The following LINGO2 variants were observed in gnomAD, a reference collection of about 807,000 sequenced individuals.
LINGO2 encodes leucine rich repeat and Ig domain containing 2, also known as leucine-rich repeat and immunoglobulin-like domain-containing nogo receptor-interacting protein 2.
Under a neutral mutation model 30.6 loss-of-function variants are expected in LINGO2, and 14 were observed. The observed-to-expected ratio is 0.46, with a 90% CI of 0.30 to 0.72. The LOEUF (loss-of-function observed/expected upper bound fraction) is 0.72, where lower values mean the gene tolerates loss of function less well. Among genes scored for constraint, LINGO2 ranks in the 30% least tolerant of loss-of-function variants. LINGO2 has a pLI of 0.07. For missense variants in LINGO2, 729 were observed against 751.7 expected (o/e 0.97, Z 0.35); for synonymous variants, 317 against 288.5 (o/e 1.10, Z -1.00).
At chr9:29,006,937 G>A in the LINGO2 span, among the ~76,000 whole-genome samples, 1 of 152,150 alleles carries the variant, frequency 6.6e-6, no homozygotes, top group South Asian at 2.1e-4. Flanking sequence ...GATGGAAGCT[G>A]GGTACTGTAG....
chr9:28,368,016 CTCTT>C (rs1820744739), intron 3 of LINGO2, among the ~76,000 whole-genome samples: 1 of 151,418 alleles, frequency 6.6e-6, no homozygotes, highest in Non-Finnish European at 1.5e-5. Context: ...TTTTTTCTTT[CTCTT>C]TGTCTCTCTC....
At chr9:28,793,461 C>G in the LINGO2 span, among the ~76,000 whole-genome samples, 1 of 152,068 alleles carries the variant, frequency 6.6e-6, no homozygotes, top group Non-Finnish European at 1.5e-5. Context: ...TATTTTATTC[C>G]AAGAAAACTT....
intron 4 of LINGO2, among the ~76,000 whole-genome samples, chr9:28,021,953 T>C (rs938137749): frequency 6.6e-6 from 1 of 152,074 alleles, no homozygotes; most frequent in Non-Finnish European, 1.5e-5. Flanking sequence ...TTACTGCATT[T>C]AACCATAAAT....
chr9:28,532,816 G>A (rs1327311196), intron 1 of LINGO2, among the ~76,000 whole-genome samples: 1 of 152,010 alleles, frequency 6.6e-6, no homozygotes, highest in Non-Finnish European at 1.5e-5. Flanking sequence ...TCTACCCTGA[G>A]AGTTCCTGTA....
chr9:28,238,727 C>T (rs372146330), intron 4 of LINGO2, among the ~76,000 whole-genome samples: 2 of 151,756 alleles, frequency 1.3e-5, no homozygotes, highest in East Asian at 3.9e-4. Flanking sequence ...AATGATGCAT[C>T]TTAAAGAACT....
At chr9:28,699,544 T>C in the LINGO2 span, among the ~76,000 whole-genome samples, 3 of 152,058 alleles carry the variant, frequency 2.0e-5, no homozygotes, top group African/African-American at 7.2e-5. Flanking sequence ...TCAGTGCACC[T>C]TGAAAAAGAA....
intron 1 of LINGO2, among the ~76,000 whole-genome samples, chr9:28,632,881 T>TAG (rs36101397): frequency 0.049 from 3,051 of 61,788 alleles, 82 homozygotes; most frequent in South Asian, 0.072. Flanking sequence ...TATATATATG[T>TAG]AGAGAGAGAG....
chr9:28,855,084 T>A, the LINGO2 span, among the ~76,000 whole-genome samples: 1 of 151,976 alleles, frequency 6.6e-6, no homozygotes, highest in Non-Finnish European at 1.5e-5. Flanking sequence ...ACCAAATATA[T>A]ACTCATGCAT....
intron 4 of LINGO2, among the ~76,000 whole-genome samples, chr9:28,095,803 C>T (rs140814360): frequency 2.6e-5 from 4 of 152,172 alleles, no homozygotes; most frequent in East Asian, 1.9e-4. Context: ...ATTTTTGCAA[C>T]CTGCTCATCT....
At chr9:28,172,428 A>G (rs1280994749) in intron 4 of LINGO2, among the ~76,000 whole-genome samples, 1 of 152,120 alleles carries the variant, frequency 6.6e-6, no homozygotes, top group Non-Finnish European at 1.5e-5. Context: ...ACTAAACTAG[A>G]GCACTTTCCA....
At chr9:28,582,000 G>C (rs540169556) in intron 1 of LINGO2, among the ~76,000 whole-genome samples, 3 of 151,760 alleles carry the variant, frequency 2.0e-5, no homozygotes, top group Admixed American at 6.6e-5. Context: ...CTGTTACTAA[G>C]GCTTCCAGAC....
chr9:28,939,020 A>T, the LINGO2 span, among the ~76,000 whole-genome samples: 1 of 152,142 alleles, frequency 6.6e-6, no homozygotes, highest in East Asian at 1.9e-4. Flanking sequence ...AATGAACTTT[A>T]CTTTCTTTTA....
chr9:28,658,225 G>T (rs1218020676), intron 1 of LINGO2, among the ~76,000 whole-genome samples: 1 of 151,930 alleles, frequency 6.6e-6, no homozygotes, highest in Non-Finnish European at 1.5e-5. Context: ...TTCTCCTATT[G>T]TTGGGCAGTG....
At chr9:28,121,124 T>C (rs949323797) in intron 4 of LINGO2, among the ~76,000 whole-genome samples, 2 of 152,204 alleles carry the variant, frequency 1.3e-5, no homozygotes, top group Non-Finnish European at 2.9e-5. Flanking sequence ...TGTAAATTTG[T>C]GGCAGAAAAA....
intron 4 of LINGO2, among the ~76,000 whole-genome samples, chr9:28,189,679 GGA>G: frequency 1.8e-5 from 2 of 108,484 alleles, no homozygotes; most frequent in Admixed American, 9.0e-5. Context: ...GAGGAAGGAA[GGA>G]AGGGAGGAAG....
chr9:29,064,632 G>A, the LINGO2 span, among the ~76,000 whole-genome samples: 1 of 151,922 alleles, frequency 6.6e-6, no homozygotes, highest in African/African-American at 2.4e-5. Context: ...AGAAAGAAAA[G>A]TACATAATAA....
At chr9:28,744,851 G>A in the LINGO2 span, among the ~76,000 whole-genome samples, 1 of 151,636 alleles carries the variant, frequency 6.6e-6, no homozygotes, top group Admixed American at 6.6e-5. Flanking sequence ...TGGACAGGAT[G>A]GTCTCAATCT....
chr9:29,005,535 A>G, the LINGO2 span, among the ~76,000 whole-genome samples: 9 of 152,158 alleles, frequency 5.9e-5, no homozygotes, highest in African/African-American at 1.7e-4. Context: ...GATTACTTAT[A>G]ATACCGAATG....
At chr9:29,036,448 C>A in the LINGO2 span, among the ~76,000 whole-genome samples, 2 of 151,894 alleles carry the variant, frequency 1.3e-5, no homozygotes, top group African/African-American at 4.8e-5. Context: ...TGAACCTGAA[C>A]TATGAGAAAT....
Sources: gnomAD v4.1 joint callset for allele counts (sites outside exome capture counted in the v4.1 genomes callset) on GRCh38, gnomAD v4.1.1 for gene constraint, MANE v1.5 for transcripts, NCBI Gene and HGNC (gene_info 2026-07-23, HGNC 2026-07-21) for gene names.